ITLN1: variants seen among roughly 807,000 people sequenced by gnomAD.
ITLN1 encodes intelectin-1.
In ITLN1, 29 loss-of-function variants were observed where a neutral mutation model predicts 36.2. The observed-to-expected ratio is 0.80, with a 90% CI of 0.60 to 1.09. The LOEUF is 1.09. ITLN1 is among the 50% of genes least tolerant of loss of function. The pLI, the probability that ITLN1 is intolerant of heterozygous loss-of-function variation, is 0.00. For missense variants in ITLN1, 358 were observed against 405.2 expected (o/e 0.88, Z 1.00); for synonymous variants, 143 against 146.5 (o/e 0.98, Z 0.17).
chr1:160,880,737 G>T (rs1225224599), intron 5 of ITLN1, 29 bp from the exon 6 acceptor site: 1 of 1,613,252 alleles, frequency 6.2e-7, no homozygotes, highest in Non-Finnish European at 8.5e-7. Context: ...AAGTCATGGA[G>T]TAAAGACAAT....
At chr1:160,881,880 C>T (rs1332186223) in intron 4 of ITLN1, 77 bp downstream of exon 4, 1 of 1,609,330 alleles carries the variant, frequency 6.2e-7, no homozygotes, top group East Asian at 2.2e-5. Flanking sequence ...TACCTTCCAG[C>T]CATCCCTCCT....
At chr1:160,883,677 C>T in intron 2 of ITLN1, 151 bp from the exon 3 acceptor site, 1 of 575,136 alleles carries the variant, frequency 1.7e-6, no homozygotes, top group Non-Finnish European at 3.2e-6. Flanking sequence ...TCCACTCAGC[C>T]CATCAGTGTC....
At chr1:160,877,568 C>T (rs536639633) in intron 7 of ITLN1, among the ~76,000 whole-genome samples, 1 of 147,286 alleles carries the variant, frequency 6.8e-6, no homozygotes, top group South Asian at 2.1e-4. Context: ...TAATTATATC[C>T]CTCATTGACC....
chr1:160,880,774 G>GA, intron 5 of ITLN1, 66 bp from the exon 6 acceptor site: 3 of 1,532,768 alleles, frequency 2.0e-6, no homozygotes, highest in Non-Finnish European at 2.7e-6. Context: ...GCATCTCCTG[G>GA]GATGCTGCCA....
Position 160,879,394 on chromosome 1 carries a change from C to A in ITLN1, c.706G>T (p.Val236Phe). The change falls in exon 7 of 8, where the codon GTT becomes TTT. Residue 236 changes from valine to phenylalanine, a missense_variant. Coordinates refer to ENST00000326245, the MANE Select transcript of ITLN1 (RefSeq NM_017625.3). ...YGQREFTAGFVQFRVFNNERA... is the reference protein window; with the variant it reads ...YGQREFTAGFFQFRVFNNERA... ...TCGTTATTAAATACCCTGAACTGAA[C>A]AAATCCCGCAGTGAATTCCCCTGAA... 6.2e-7 allele frequency: 1 copy of A among 1,614,064 alleles called. No individual in the cohort carries two copies.
rs1670674265 is a variant in ITLN1, at chr1:160,881,275, C to A, written c.443G>T (p.Gly148Val). ...GYYDIQAKDL[G>V]IWHVPNKSPM... ...GGACTTATTGGGCACGTGCCAGATG[C>A]CCAGGTCCTTGGCCTGGATGTCGTA... The change falls in exon 5 of 8, where the codon GGC becomes GTC. Residue 148 changes from glycine to valine, a missense_variant. Coordinates refer to ENST00000326245, the MANE Select transcript of ITLN1 (RefSeq NM_017625.3). 6.2e-7 allele frequency: 1 copy of A among 1,609,738 alleles called. No individual in the cohort carries two copies. The highest frequency in any genetic ancestry group is 8.5e-7 in the Non-Finnish European group (1 of 1,177,732).
chr1:160,880,692 T>A lies in ITLN1; in HGVS notation c.581A>T (p.Tyr194Phe), dbSNP rs1171408116. Residue 194 changes from tyrosine to phenylalanine, a missense_variant, in exon 6 of 8, where the codon TAT (tyrosine) becomes TTT (phenylalanine). Physicochemically the swap from Tyr to Phe is conservative, Grantham distance 22. Coordinates refer to ENST00000326245, the MANE Select transcript of ITLN1 (RefSeq NM_017625.3). ...FGIYQKYPVK[Y>F]GEGKCWTDNG... ...GTCAGTCCAACACTTTCCTTCTCCATATTTCACTGGATATTTCTACAAAGA... is the reference window on the plus strand; with the variant it reads ...GTCAGTCCAACACTTTCCTTCTCCAAATTTCACTGGATATTTCTACAAAGA... 1 of 1,614,126 alleles carries A rather than the reference T, an allele frequency of 6.2e-7. No individual in the cohort carries two copies. The highest frequency in any genetic ancestry group is 1.3e-5 in the African/African-American group (1 of 75,030).
Position 160,879,320 on chromosome 1 carries a change from G to A in ITLN1, c.780C>T (p.Asn260=), listed in dbSNP as rs369553610. 1.9e-6 allele frequency: 3 copies of A among 1,613,246 alleles called. No individual in the cohort carries two copies. Among genetic ancestry groups the A allele is most frequent in the Non-Finnish European group, 2.5e-6 (3 of 1,179,370 alleles). ...LCAGMRVTGC[N]TEHHCIGGGG... ...CCCCACAGAGACTCACGTGCTCAGT[G>A]TTACATCCGGTGACCCTCATTCCAG... The change falls in exon 7 of 8, where the codon AAC becomes AAT. Residue 260 remains asparagine (N), a synonymous_variant. Coordinates refer to ENST00000326245, the MANE Select transcript of ITLN1 (RefSeq NM_017625.3).
chr1:160,877,458 A>G (rs1192851785), intron 7 of ITLN1, among the ~76,000 whole-genome samples: 1 of 152,088 alleles, frequency 6.6e-6, no homozygotes, highest in Non-Finnish European at 1.5e-5. Context: ...TGGCCCCAAA[A>G]TCTCCATCTC....
intron 7 of ITLN1, among the ~76,000 whole-genome samples, chr1:160,878,471 C>T (rs1174936620): frequency 1.3e-5 from 2 of 151,510 alleles, no homozygotes; most frequent in Non-Finnish European, 2.9e-5. Context: ...CTGCAACCTC[C>T]ACCTCCCAGG....
At chr1:160,881,463 A>G (rs1670676566) in intron 4 of ITLN1, 151 bp from the exon 5 acceptor site, 2 of 805,922 alleles carry the variant, frequency 2.5e-6, no homozygotes, top group Admixed American at 6.6e-5. Flanking sequence ...CCAGCCGATG[A>G]TCCCACCACA....
intron 7 of ITLN1, among the ~76,000 whole-genome samples, chr1:160,877,144 G>A (rs34067571): frequency 0.58 from 88,180 of 151,886 alleles, 27,581 homozygotes; most frequent in Non-Finnish European, 0.68. Flanking sequence ...GGCTGAGGCA[G>A]GAGAATTGCT....
chr1:160,877,624 TC>T (rs1450439124), intron 7 of ITLN1, among the ~76,000 whole-genome samples: 1 of 152,184 alleles, frequency 6.6e-6, no homozygotes, highest in African/African-American at 2.4e-5. Context: ...TAAATGACAC[TC>T]CCTCACCCAA....
intron 3 of ITLN1, 114 bp downstream of exon 3, chr1:160,883,314 A>T: frequency 1.5e-6 from 1 of 650,722 alleles, no homozygotes; most frequent in Non-Finnish European, 2.6e-6. Context: ...ATCTTATGTA[A>T]ATTATAATAT....
chr1:160,876,978 C>T (rs1670598075), intron 7 of ITLN1, among the ~76,000 whole-genome samples, 162 bp from the exon 8 acceptor site: 1 of 152,234 alleles, frequency 6.6e-6, no homozygotes, highest in Admixed American at 6.5e-5. Context: ...TGGCTCACAC[C>T]TGTAATCCCA....
At chr1:160,881,457 C>G (rs1230809409) in intron 4 of ITLN1, 145 bp from the exon 5 acceptor site, 1 of 861,810 alleles carries the variant, frequency 1.2e-6, no homozygotes. Flanking sequence ...CCACTCCCAG[C>G]CGATGATCCC....
At chr1:160,884,941 C>T in intron 1 of ITLN1, 58 bp from the exon 2 acceptor site, 1 of 1,116,022 alleles carries the variant, frequency 9.0e-7, no homozygotes, top group Non-Finnish European at 1.4e-6. Context: ...TACATCCCTG[C>T]CCCACCCCTG....
In ITLN1 at chr1:160,876,817, C is replaced by G. The variant is rs773068086; in HGVS notation, c.790-1G>C. The G allele has an allele frequency of 9.9e-6, 16 of 1,613,644 alleles. No homozygotes were observed. In the East Asian group the frequency reaches 3.6e-4, roughly 36 times the overall value. On this transcript the variant is annotated splice_acceptor_variant, in intron 7 of 7. Coordinates refer to ENST00000326245, the MANE Select transcript of ITLN1 (RefSeq NM_017625.3). LOFTEE classifies it high-confidence loss of function. ...AGTATCCTCCTCCACCAATGCAGTG[C>G]TGGGAAACAAAGAGAGGAAGAGGCA...
chr1:160,881,612 G>A (rs959979925), intron 4 of ITLN1: 5 of 478,902 alleles, frequency 1.0e-5, no homozygotes, highest in East Asian at 3.8e-5. Flanking sequence ...AGTTCGAGAC[G>A]AGCCTGGCCA....
Sources: gnomAD v4.1 joint callset for allele counts (sites outside exome capture counted in the v4.1 genomes callset) on GRCh38, gnomAD v4.1.1 for gene constraint, MANE v1.5 for transcripts, NCBI Gene and HGNC (gene_info 2026-07-23, HGNC 2026-07-21) for gene names.